ADIPOQ: variants seen among roughly 807,000 people sequenced by gnomAD.
ADIPOQ encodes adiponectin.
Under a neutral mutation model 16.1 loss-of-function variants are expected in ADIPOQ, and 19 were observed. That is an observed-to-expected ratio of 1.18 (90% CI 0.82 to 1.73). The LOEUF is 1.73. Ranked by LOEUF, ADIPOQ falls within the 40% of genes most tolerant of loss-of-function variation. The probability of loss-of-function intolerance (pLI) is 0.00; values close to 1 mark genes in which losing one functional copy is unlikely to be tolerated. For missense variants in ADIPOQ, 323 were observed against 308.3 expected, an observed-to-expected ratio of 1.05 and a Z score of -0.36; for synonymous variants, 124 against 125.5, an observed-to-expected ratio of 0.99 and a Z score of 0.08.
chr3:186,851,699 A>G (rs907749529), intron 1 of ADIPOQ, among the ~76,000 whole-genome samples: 2 of 148,762 alleles, frequency 1.3e-5, no homozygotes, highest in Non-Finnish European at 3.0e-5. Flanking sequence ...TCTTTTCCTC[A>G]TTATAAAAGT....
At chr3:186,847,087 T>C (rs1711598393) in intron 1 of ADIPOQ, among the ~76,000 whole-genome samples, 2 of 152,208 alleles carry the variant, frequency 1.3e-5, no homozygotes, top group Non-Finnish European at 2.9e-5. Flanking sequence ...ATGCATACAC[T>C]CATCACTAAC....
intron 2 of ADIPOQ, 43 bp downstream of exon 2, chr3:186,853,315 T>C (rs62625693): frequency 2.0e-5 from 31 of 1,542,956 alleles, no homozygotes; most frequent in Non-Finnish European, 2.6e-5. Flanking sequence ...CCTCCTACAC[T>C]GATATAAACT....
chr3:186,845,083 C>G (rs1711546884), intron 1 of ADIPOQ, among the ~76,000 whole-genome samples: 1 of 151,028 alleles, frequency 6.6e-6, no homozygotes, highest in Non-Finnish European at 1.5e-5. Context: ...CGCGCGCACA[C>G]TCATTTGGAT....
At chr3:186,847,575 T>C (rs1175966308) in intron 1 of ADIPOQ, among the ~76,000 whole-genome samples, 2 of 152,230 alleles carry the variant, frequency 1.3e-5, no homozygotes, top group African/African-American at 4.8e-5. Flanking sequence ...CTCATTTTTT[T>C]TTATGACACT....
In ADIPOQ at chr3:186,858,387, T is replaced by C. The variant is rs200487084; in HGVS notation, c.*3683T>C. On this transcript the variant is annotated 3_prime_UTR_variant, in exon 3 of 3. Coordinates refer to ENST00000320741, the MANE Select transcript of ADIPOQ (RefSeq NM_004797.4). ...ACAGACTGCATGTAGTTGGGTATAA[T>C]TTTTATCCAGTCTAAAAATATCTGT... 1.1e-4 allele frequency: 16 copies of C among 152,198 alleles called. No homozygotes were observed. The highest frequency in any genetic ancestry group is 3.8e-4 in the African/African-American group (16 of 41,568). The allele number at this position is 152,198 out of a possible 1,614,324, so 9.4% of individuals were successfully genotyped here.
chr3:186,850,461 A>T (rs1382385834), intron 1 of ADIPOQ, among the ~76,000 whole-genome samples: 1 of 152,080 alleles, frequency 6.6e-6, no homozygotes, highest in African/African-American at 2.4e-5. Flanking sequence ...CCATGTGGGG[A>T]TATGTATCAG....
intron 1 of ADIPOQ, among the ~76,000 whole-genome samples, chr3:186,845,328 C>T (rs749560541): frequency 4.0e-5 from 6 of 151,868 alleles, no homozygotes; most frequent in South Asian, 2.1e-4. Flanking sequence ...TGGGTTGCAC[C>T]GTGTGAAACT....
At position 186,854,205 on chromosome 3, in the gene ADIPOQ, A is replaced by G; in HGVS notation, c.236A>G (p.Asp79Gly). 1 of 1,613,404 alleles carries G rather than the reference A, an allele frequency of 6.2e-7. No homozygotes were observed. The highest frequency in any genetic ancestry group is 8.5e-7 in the Non-Finnish European group (1 of 1,179,524). The change falls in exon 3 of 3, where the codon GAC becomes GGC. Residue 79 changes from aspartate to glycine, a missense_variant. Coordinates refer to ENST00000320741, the MANE Select transcript of ADIPOQ (RefSeq NM_004797.4). ...GDPGLIGPKG[D>G]IGETGVPGAE... The stretch of plus-strand genomic sequence containing the variant: ...TTAGGTCTTATTGGTCCTAAGGGAG[A>G]CATCGGTGAAACCGGAGTACCCGGG...
At position 186,854,225 on chromosome 3, in the gene ADIPOQ, C is replaced by A. The variant is rs371274243; in HGVS notation, c.256C>A (p.Pro86Thr). 6.2e-7 allele frequency: 1 copy of A among 1,613,554 alleles called. No individual in the cohort carries two copies. The highest frequency in any genetic ancestry group is 8.5e-7 in the Non-Finnish European group (1 of 1,179,598). The change falls in exon 3 of 3, where the codon CCC becomes ACC. Residue 86 changes from proline to threonine, a missense_variant. Coordinates refer to ENST00000320741, the MANE Select transcript of ADIPOQ (RefSeq NM_004797.4). ...PKGDIGETGV[P>T]GAEGPRGFPG... ...GGGAGACATCGGTGAAACCGGAGTA[C>A]CCGGGGCTGAAGGTCCCCGAGGCTT...
Position 186,853,180 on chromosome 3 carries a change from C to A in ADIPOQ, c.122C>A (p.Ala41Glu). Residue 41 changes from alanine to glutamate, a missense_variant, in exon 2 of 3, where the codon GCG (alanine) becomes GAG (glutamate). Coordinates refer to ENST00000320741, the MANE Select transcript of ADIPOQ (RefSeq NM_004797.4). ...AAGGGGGCCTGCACAGGTTGGATGG[C>A]GGGCATCCCAGGGCATCCGGGCCAT... The part of the protein sequence containing the change: ...LPKGACTGWM[A>E]GIPGHPGHNG... 1.2e-6 allele frequency: 2 copies of A among 1,614,034 alleles called. No individual in the cohort carries two copies. Among genetic ancestry groups the A allele is most frequent in the Non-Finnish European group, 1.7e-6 (2 of 1,179,952 alleles).
chr3:186,853,450 C>T (rs1348902188), intron 2 of ADIPOQ, among the ~76,000 whole-genome samples, 178 bp downstream of exon 2: 3 of 151,778 alleles, frequency 2.0e-5, no homozygotes, highest in Non-Finnish European at 4.4e-5. Context: ...TAGATGGTGC[C>T]TCTATAACCA....
intron 1 of ADIPOQ, among the ~76,000 whole-genome samples, chr3:186,848,077 G>T (rs187318507): frequency 6.6e-6 from 1 of 151,962 alleles, no homozygotes; most frequent in Non-Finnish European, 1.5e-5. Flanking sequence ...GGAGGGTGAG[G>T]CAGGAGCATC....
chr3:186,851,027 T>C (rs1252970190), intron 1 of ADIPOQ, among the ~76,000 whole-genome samples: 2 of 152,090 alleles, frequency 1.3e-5, no homozygotes, highest in Non-Finnish European at 2.9e-5. Flanking sequence ...TAATGGGGCA[T>C]AGGAGTGGGA....
Position 186,856,671 on chromosome 3 carries a change from C to G in ADIPOQ, c.*1967C>G, listed in dbSNP as rs1712016128. 1 of 152,058 alleles carries G rather than the reference C, an allele frequency of 6.6e-6. No individual in the cohort carries two copies. The highest frequency in any genetic ancestry group is 2.4e-5 in the African/African-American group (1 of 41,384). The allele number at this position is 152,058 out of a possible 1,614,324, so 9.4% of individuals were successfully genotyped here. A position where few individuals can be genotyped will look rare whatever the true frequency, so the allele number is the denominator to read the frequency against. The stretch of plus-strand genomic sequence containing the variant: ...TTCACCATATTGGCCAGGCTGGTCT[C>G]GAACTCCTGACCTTGTGATCTGCCC... On this transcript the variant is annotated 3_prime_UTR_variant, in exon 3 of 3. Coordinates refer to ENST00000320741, the MANE Select transcript of ADIPOQ (RefSeq NM_004797.4).
rs748005683 is a variant in ADIPOQ, at chr3:186,854,723, C to A, written c.*19C>A. ...CAACTGATCACCACTAACTCAGAGC[C>A]TCCTCCAGGCCAAACAGCCCCAAAG... is the stretch of plus-strand genomic sequence containing the variant. On this transcript the variant is annotated 3_prime_UTR_variant, in exon 3 of 3. Transcript: ENST00000320741. The A allele has an allele frequency of 6.2e-7, 1 of 1,613,542 alleles. No individual in the cohort carries two copies. The highest frequency in any genetic ancestry group is 1.3e-5 in the African/African-American group (1 of 74,918).
At chr3:186,845,358 A>T (rs960322349) in intron 1 of ADIPOQ, among the ~76,000 whole-genome samples, 3 of 151,848 alleles carry the variant, frequency 2.0e-5, no homozygotes, top group Non-Finnish European at 4.4e-5. Flanking sequence ...CTACACTTTG[A>T]CTTTTATTTA....
At chr3:186,843,374 AT>A (rs1454804643) in intron 1 of ADIPOQ, among the ~76,000 whole-genome samples, 1 of 152,130 alleles carries the variant, frequency 6.6e-6, no homozygotes, top group Admixed American at 6.6e-5. Flanking sequence ...AGAGGTTCTA[AT>A]GAGGCCAGCC....
At chr3:186,850,221 G>A (rs951472678) in intron 1 of ADIPOQ, among the ~76,000 whole-genome samples, 2 of 136,108 alleles carry the variant, frequency 1.5e-5, no homozygotes, top group Admixed American at 8.0e-5. Flanking sequence ...AGTGAGCCGA[G>A]ATTGTGCCAC....
At chr3:186,852,639 C>A in intron 1 of ADIPOQ, 1 of 198,064 alleles carries the variant, frequency 5.0e-6, no homozygotes, top group Non-Finnish European at 1.0e-5. Context: ...AGAAAGGAGC[C>A]AGAGGAGAGA....
Sources: gnomAD v4.1 joint callset for allele counts (sites outside exome capture counted in the v4.1 genomes callset) on GRCh38, gnomAD v4.1.1 for gene constraint, MANE v1.5 for transcripts, NCBI Gene and HGNC (gene_info 2026-07-23, HGNC 2026-07-21) for gene names.